Variants in C7 observed in about 807,000 individuals in gnomAD.
C7 encodes complement component C7.
Under a neutral mutation model 104.8 loss-of-function variants are expected in C7, and 83 were observed. The observed-to-expected ratio is 0.79, with a 90% CI of 0.66 to 0.95. C7 has a LOEUF of 0.95. Ranked by LOEUF, C7 falls within the 40% of genes least tolerant of loss-of-function variation. The pLI, the probability that C7 is intolerant of heterozygous loss-of-function variation, is 0.00. For missense variants in C7, 1,070 were observed against 1,011.2 expected (o/e 1.06, Z -0.79); for synonymous variants, 415 against 360.6 (o/e 1.15, Z -1.71).
At chr5:40,926,679 TA>T in intron 1 of C7, among the ~76,000 whole-genome samples, 1 of 152,286 alleles carries the variant, frequency 6.6e-6, no homozygotes, top group Non-Finnish European at 1.5e-5. Flanking sequence ...CAAAAATATT[TA>T]GGAATAAATT....
chr5:40,947,624 A>G lies in C7; in HGVS notation c.761A>G (p.Glu254Gly). Residue 254 changes from glutamate (E) to glycine (G), a missense_variant, in exon 8 of 18, where the codon GAG (glutamate) becomes GGG (glycine). Transcript: ENST00000313164. ...CAGAGTTACCAACTGCTGGTTGTTG[A>G]GAACACTGTTGAAGTGGCTCAGTTC... ...KGKSYQLLVV[E>G]NTVEVAQFIN... is the part of the protein sequence containing the mutation. 1.2e-6 allele frequency: 2 copies of G among 1,613,322 alleles called. No homozygotes were observed. Among genetic ancestry groups the G allele is most frequent in the Non-Finnish European group, 1.7e-6 (2 of 1,179,616 alleles).
chr5:40,961,987 G>A (rs1379631573), intron 12 of C7, 98 bp from the exon 13 acceptor site: 7 of 510,926 alleles, frequency 1.4e-5, no homozygotes, highest in Non-Finnish European at 2.0e-5. Flanking sequence ...TTAAATGAAT[G>A]GAGTTCCTTC....
intron 2 of C7, 139 bp from the exon 3 acceptor site, chr5:40,930,925 T>A: frequency 1.5e-6 from 1 of 675,526 alleles, no homozygotes; most frequent in South Asian, 1.7e-5. Context: ...TTTTTATATA[T>A]TTTAGGATCC....
At chr5:40,939,809 C>A (rs1292327711) in intron 6 of C7, among the ~76,000 whole-genome samples, 1 of 152,210 alleles carries the variant, frequency 6.6e-6, no homozygotes, top group Non-Finnish European at 1.5e-5. Context: ...AGGAAGTCTG[C>A]ATTTCTGAAG....
chr5:40,984,040 C>T lies in C7; in HGVS notation c.*2467C>T, dbSNP rs74865320. On this transcript the variant is annotated 3_prime_UTR_variant, in exon 18 of 18. Transcript: ENST00000313164. ...CCAAGGCACATCCTACAGATCATCG[C>T]TTACCACTCATGAGGACGCTACAAG... 5.4e-3 allele frequency among the ~76,000 whole-genome samples: 820 copies of T among 152,286 alleles called. 8 individuals carry two copies. Among genetic ancestry groups the T allele is most frequent in the African/African-American group, 0.019 (776 of 41,572 alleles).
At chr5:40,930,711 C>T (rs11739731) in intron 2 of C7, among the ~76,000 whole-genome samples, 27,348 of 151,476 alleles carry the variant, frequency 0.18, 2,672 homozygotes, top group East Asian at 0.32. Flanking sequence ...TACAGGCACG[C>T]GCCACCCTGC....
intron 7 of C7, among the ~76,000 whole-genome samples, chr5:40,946,984 T>C (rs1026047655): frequency 1.3e-5 from 2 of 151,988 alleles, no homozygotes; most frequent in African/African-American, 4.8e-5. Flanking sequence ...TGAATTTTCC[T>C]GAATTAATCC....
At chr5:40,964,897 AT>A (rs1303515838) in intron 14 of C7, 24 bp downstream of exon 14, 4 of 1,611,488 alleles carry the variant, frequency 2.5e-6, no homozygotes, top group Non-Finnish European at 3.4e-6. Flanking sequence ...GTTGTATATA[AT>A]TTAAGATGAG....
chr5:40,914,956 C>A (rs958169267), intron 1 of C7, among the ~76,000 whole-genome samples: 3 of 151,902 alleles, frequency 2.0e-5, no homozygotes, highest in Admixed American at 1.3e-4. Flanking sequence ...TAAAAGGGAA[C>A]CAGATTTGGA....
chr5:40,959,744 C>G, intron 12 of C7, 124 bp downstream of exon 12: 2 of 722,600 alleles, frequency 2.8e-6, no homozygotes, highest in Non-Finnish European at 4.3e-6. Flanking sequence ...CCAGGGACTG[C>G]TTTGTCCCTT....
At chr5:40,955,680 T>C (rs188935724) in intron 10 of C7, 127 bp downstream of exon 10, 6 of 731,810 alleles carry the variant, frequency 8.2e-6, no homozygotes, top group African/African-American at 7.1e-5. Flanking sequence ...ATCCCAATTA[T>C]ATTTTGTAGA....
chr5:40,930,943 G>T, intron 2 of C7, 121 bp from the exon 3 acceptor site: 1 of 718,468 alleles, frequency 1.4e-6, no homozygotes. Flanking sequence ...TCCTTTTAGT[G>T]TCTCTTCGGA....
chr5:40,965,524 A>T (rs568171397), intron 14 of C7, among the ~76,000 whole-genome samples: 2 of 152,198 alleles, frequency 1.3e-5, no homozygotes, highest in Non-Finnish European at 2.9e-5. Flanking sequence ...CAGCCTTCCA[A>T]GTGGTTGTAC....
chr5:40,967,126 C>T (rs1000050643), intron 14 of C7, among the ~76,000 whole-genome samples: 25 of 148,688 alleles, frequency 1.7e-4, no homozygotes, highest in South Asian at 1.3e-3. Flanking sequence ...AGTGCAGTGG[C>T]GTGATCTTGC....
chr5:40,913,774 G>T (rs1477486586), intron 1 of C7, among the ~76,000 whole-genome samples: 1 of 152,120 alleles, frequency 6.6e-6, no homozygotes, highest in Admixed American at 6.6e-5. Flanking sequence ...CCACCTCCTG[G>T]GTTCAAGCGA....
At chr5:40,977,002 G>T (rs933835633) in intron 16 of C7, among the ~76,000 whole-genome samples, 162 bp downstream of exon 16, 1 of 152,164 alleles carries the variant, frequency 6.6e-6, no homozygotes. Context: ...ATTTGTCTGG[G>T]TCACTAGGGC....
At chr5:40,963,437 G>A (rs1740463849) in intron 13 of C7, among the ~76,000 whole-genome samples, 1 of 152,126 alleles carries the variant, frequency 6.6e-6, no homozygotes, top group African/African-American at 2.4e-5. Flanking sequence ...AGGATCATGA[G>A]TCGAAACAGA....
intron 13 of C7, among the ~76,000 whole-genome samples, chr5:40,964,054 A>C (rs1193403151): frequency 1.4e-5 from 1 of 69,466 alleles, no homozygotes; most frequent in East Asian, 8.3e-4. Context: ...TTTTTTTTAG[A>C]GAGAGAGAGA....
intron 1 of C7, among the ~76,000 whole-genome samples, chr5:40,914,218 G>A (rs1022813103): frequency 6.6e-6 from 1 of 152,092 alleles, no homozygotes; most frequent in African/African-American, 2.4e-5. Context: ...GATTAGTGAT[G>A]TTGAGCACAT....
Sources: allele counts gnomAD v4.1 joint callset (sites outside exome capture counted in the v4.1 genomes callset), GRCh38; gene constraint gnomAD v4.1.1; transcripts MANE v1.5; gene names NCBI Gene and HGNC (gene_info 2026-07-23, HGNC 2026-07-21).